Variants in KCNIP4 observed in about 807,000 individuals in gnomAD.
KCNIP4 encodes the protein Kv channel-interacting protein 4.
KCNIP4 carries 12 observed loss-of-function variants against 34.0 expected under a neutral mutation model. That is an observed-to-expected ratio of 0.35 (90% confidence interval 0.23 to 0.57). The LOEUF (loss-of-function observed/expected upper bound fraction) is 0.57. Among genes scored for constraint, KCNIP4 ranks in the 20% least tolerant of loss-of-function variants. The probability of loss-of-function intolerance (pLI) is 0.83; values close to 1 mark genes in which losing one functional copy is unlikely to be tolerated. For missense variants in KCNIP4, 238 were observed against 311.7 expected (o/e 0.76, Z 1.78); for synonymous variants, 124 against 102.2 (o/e 1.21, Z -1.29).
At chr4:21,417,674 T>C (rs1261374644) in intron 1 of KCNIP4, among the ~76,000 whole-genome samples, 1 of 152,132 alleles carries the variant, frequency 6.6e-6, no homozygotes, top group Non-Finnish European at 1.5e-5. Flanking sequence ...GAGAGCACGG[T>C]GTTTTTAGCA....
intron 1 of KCNIP4, among the ~76,000 whole-genome samples, chr4:20,954,639 C>T (rs2149647540): frequency 6.6e-6 from 1 of 152,286 alleles, no homozygotes; most frequent in Admixed American, 6.5e-5. Flanking sequence ...ATACATGAGG[C>T]ATTCATACAA....
intron 1 of KCNIP4, among the ~76,000 whole-genome samples, chr4:20,959,438 A>G (rs942590597): frequency 1.3e-5 from 2 of 152,240 alleles, no homozygotes; most frequent in Admixed American, 6.5e-5. Context: ...CTAAAATTGT[A>G]TCTGCAAGAA....
At chr4:20,760,258 A>G (rs1754846709) in intron 3 of KCNIP4, among the ~76,000 whole-genome samples, 1 of 152,132 alleles carries the variant, frequency 6.6e-6, no homozygotes, top group South Asian at 2.1e-4. Flanking sequence ...ACGTCCACCC[A>G]GGACTAAGTT....
chr4:21,267,744 G>A (rs1407649241), intron 1 of KCNIP4, among the ~76,000 whole-genome samples: 23 of 145,224 alleles, frequency 1.6e-4, no homozygotes, highest in Admixed American at 2.8e-4. Flanking sequence ...TGCTGGATTC[G>A]GTTTGCCAGT....
chr4:21,247,592 T>TACAC lies in KCNIP4; in HGVS notation c.62-364887_62-364884dup, dbSNP rs1553845594. Reference sequence around the variant, plus strand: ...AGATATAAATACATATATATATATATACACCACAGATGGTATATATATTTA... The same window carrying TACAC: ...AGATATAAATACATATATATATATATACACACACCACAGATGGTATATATATTTA... On this transcript the variant is annotated intron_variant, in intron 1 of 8. Transcript: ENST00000382152. 7.9e-3 allele frequency among the ~76,000 whole-genome samples: 1,133 copies of TACAC among 144,284 alleles called. 20 individuals carry two copies. The highest frequency in any genetic ancestry group is 0.027 in the African/African-American group (1,074 of 39,170). 94.7% of individuals were successfully genotyped at this position (144,284 alleles called of 152,430 possible). A position where few individuals can be genotyped will look rare whatever the true frequency, so the allele number is the denominator to read the frequency against.
chr4:20,915,331 C>G (rs548326497), intron 1 of KCNIP4, among the ~76,000 whole-genome samples: 1 of 152,144 alleles, frequency 6.6e-6, no homozygotes, highest in Non-Finnish European at 1.5e-5. Flanking sequence ...GAGAAAGTGG[C>G]TCATTACTTT....
chr4:21,916,164 A>G (rs1728619722), intron 1 of KCNIP4, among the ~76,000 whole-genome samples: 1 of 152,260 alleles, frequency 6.6e-6, no homozygotes, highest in South Asian at 2.1e-4. Context: ...GACAGGCTTA[A>G]GAGTAAAGAC....
At chr4:21,568,886 C>T (rs1740131289) in intron 1 of KCNIP4, among the ~76,000 whole-genome samples, 1 of 151,908 alleles carries the variant, frequency 6.6e-6, no homozygotes, top group Non-Finnish European at 1.5e-5. Flanking sequence ...TAGTTGTGTC[C>T]CTTTAGAGAA....
intron 1 of KCNIP4, among the ~76,000 whole-genome samples, chr4:21,247,578 C>CATATATATATATAT (rs368574338): frequency 0.03 from 4,066 of 133,812 alleles, 81 homozygotes; most frequent in Non-Finnish European, 0.045. Context: ...GATATAAATA[C>CATATATATATATAT]ATATATATAT....
intron 1 of KCNIP4, among the ~76,000 whole-genome samples, chr4:21,252,901 A>G (rs1760818684): frequency 6.6e-6 from 1 of 152,078 alleles, no homozygotes; most frequent in Non-Finnish European, 1.5e-5. Flanking sequence ...AGCACATCAC[A>G]CTTAACCTCT....
chr4:21,590,622 A>C (rs1742122155), intron 1 of KCNIP4, among the ~76,000 whole-genome samples: 1 of 152,032 alleles, frequency 6.6e-6, no homozygotes. Flanking sequence ...CATATACTGA[A>C]GTTGTGTGAC....
chr4:21,660,012 A>G (rs1001622485), intron 1 of KCNIP4, among the ~76,000 whole-genome samples: 6 of 152,056 alleles, frequency 3.9e-5, no homozygotes, highest in African/African-American at 2.4e-5. Context: ...CTTTCCTAAC[A>G]CTAAAAGTTT....
At chr4:21,513,579 A>T (rs10805227) in intron 1 of KCNIP4, among the ~76,000 whole-genome samples, 1 of 152,030 alleles carries the variant, frequency 6.6e-6, no homozygotes, top group South Asian at 2.1e-4. Flanking sequence ...TTAAATAATC[A>T]TCAGCATATT....
chr4:21,900,479 C>G (rs1218286079), intron 1 of KCNIP4, among the ~76,000 whole-genome samples: 1 of 152,134 alleles, frequency 6.6e-6, no homozygotes, highest in African/African-American at 2.4e-5. Context: ...TGCCTGGCTC[C>G]CTAAAATGAG....
intron 5 of KCNIP4, among the ~76,000 whole-genome samples, chr4:20,748,754 A>G (rs1472363477): frequency 6.7e-6 from 1 of 150,226 alleles, no homozygotes; most frequent in African/African-American, 2.4e-5. Flanking sequence ...TTTCCCTAAC[A>G]AAAATAAAAG....
At position 21,633,037 on chromosome 4, in the gene KCNIP4, C is replaced by T. The variant is rs369097488; in HGVS notation, c.61+315534G>A. Among the ~76,000 whole-genome samples the T allele has an allele frequency of 1.8e-3, 267 of 152,248 alleles. 10 individuals are homozygous for T. The South Asian group carries it at 0.048, about 27-fold the overall frequency. On this transcript the variant is annotated intron_variant, in intron 1 of 8. Coordinates refer to ENST00000382152, the MANE Select transcript of KCNIP4 (RefSeq NM_025221.6). ...GATTTAACACTCTTCGGGTCACAGA[C>T]GTTTTAAAAAATCTTTTTCATAATT...
At chr4:20,846,639 C>T (rs1720421602) in intron 3 of KCNIP4, among the ~76,000 whole-genome samples, 1 of 152,000 alleles carries the variant, frequency 6.6e-6, no homozygotes, top group African/African-American at 2.4e-5. Flanking sequence ...GACCTCTTAC[C>T]TCTCTCCAAC....
chr4:20,908,589 C>A (rs1222342798), intron 1 of KCNIP4, among the ~76,000 whole-genome samples: 1 of 152,156 alleles, frequency 6.6e-6, no homozygotes, highest in Non-Finnish European at 1.5e-5. Context: ...ATTGAGCAAG[C>A]TTTAATATGC....
At chr4:21,022,156 T>A (rs1740130416) in intron 1 of KCNIP4, among the ~76,000 whole-genome samples, 2 of 152,164 alleles carry the variant, frequency 1.3e-5, no homozygotes, top group South Asian at 4.1e-4. Flanking sequence ...AGCATTGTTA[T>A]GCAGCAAGTA....
Sources: gnomAD v4.1 joint callset for allele counts (sites outside exome capture counted in the v4.1 genomes callset) on GRCh38, gnomAD v4.1.1 for gene constraint, MANE v1.5 for transcripts, NCBI Gene and HGNC (gene_info 2026-07-23, HGNC 2026-07-21) for gene names.